The following GPM6A variants were observed in gnomAD, a reference collection of about 807,000 sequenced individuals.
GPM6A encodes the protein glycoprotein M6A, also known as neuronal membrane glycoprotein M6-a.
GPM6A carries 7 observed loss-of-function variants against 32.1 expected under a neutral mutation model. The ratio of observed to expected loss-of-function variants is 0.22; its 90% CI spans 0.12 to 0.41. GPM6A has a LOEUF of 0.41. Among genes scored for constraint, GPM6A ranks in the 10% least tolerant of loss-of-function variants. GPM6A has a pLI of 1.00. For missense variants in GPM6A, 235 were observed against 347.2 expected, an observed-to-expected ratio of 0.68 and a Z score of 2.57; for synonymous variants, 130 against 123.4, an observed-to-expected ratio of 1.05 and a Z score of -0.35.
chr4:175,977,314 A>T (rs1394112483), intron 1 of GPM6A, among the ~76,000 whole-genome samples: 1 of 152,218 alleles, frequency 6.6e-6, no homozygotes, highest in South Asian at 2.1e-4. Context: ...ATGTACGCCC[A>T]AAGTTTAGCT....
intron 1 of GPM6A, among the ~76,000 whole-genome samples, chr4:175,985,378 T>C (rs1281350503): frequency 6.6e-6 from 1 of 152,218 alleles, no homozygotes; most frequent in African/African-American, 2.4e-5. Flanking sequence ...ACCCTTGTTT[T>C]GGTATTGTTG....
At chr4:175,871,380 GA>G (rs1444195698) in intron 1 of GPM6A, among the ~76,000 whole-genome samples, 2 of 152,034 alleles carry the variant, frequency 1.3e-5, no homozygotes, top group African/African-American at 4.8e-5. Flanking sequence ...TGAGGCAGGA[GA>G]ATCACTTGAA....
intron 1 of GPM6A, among the ~76,000 whole-genome samples, chr4:175,997,451 T>C (rs923298088): frequency 6.7e-6 from 1 of 149,244 alleles, no homozygotes; most frequent in Admixed American, 6.6e-5. Flanking sequence ...CTTAATCTTA[T>C]CTTCTTTACA....
chr4:175,737,940 T>C (rs1731729497), intron 1 of GPM6A, among the ~76,000 whole-genome samples: 1 of 125,432 alleles, frequency 8.0e-6, no homozygotes, highest in Non-Finnish European at 1.8e-5. Context: ...CTAGGTCCCT[T>C]TTTTTTTTTT....
intron 1 of GPM6A, among the ~76,000 whole-genome samples, chr4:175,848,731 A>G (rs1475103909): frequency 1.3e-5 from 2 of 152,002 alleles, no homozygotes; most frequent in Non-Finnish European, 2.9e-5. Context: ...GAGATAATGT[A>G]TACATCATTC....
intron 1 of GPM6A, among the ~76,000 whole-genome samples, chr4:175,983,323 G>A (rs1379332461): frequency 6.6e-6 from 1 of 152,172 alleles, no homozygotes; most frequent in Non-Finnish European, 1.5e-5. Context: ...CAGTTGCACT[G>A]TATTTCTCAT....
At chr4:175,676,151 C>T (rs999843752) in intron 2 of GPM6A, among the ~76,000 whole-genome samples, 9 of 152,138 alleles carry the variant, frequency 5.9e-5, no homozygotes, top group Non-Finnish European at 1.3e-4. Flanking sequence ...TCCCCTTCCA[C>T]CATGGTTGTA....
chr4:175,781,204 C>G (rs556273292), intron 1 of GPM6A: 2 of 152,094 alleles, frequency 1.3e-5, no homozygotes, highest in Admixed American at 1.3e-4. Flanking sequence ...TCAAACAACA[C>G]CCACCGTGCG....
At chr4:175,717,466 A>T (rs1560893544) in intron 1 of GPM6A, among the ~76,000 whole-genome samples, 2 of 152,168 alleles carry the variant, frequency 1.3e-5, no homozygotes, top group Non-Finnish European at 2.9e-5. Context: ...GCCTAATCTC[A>T]TCACTCACAG....
intron 1 of GPM6A, among the ~76,000 whole-genome samples, chr4:175,879,223 T>C (rs1453516735): frequency 2.0e-5 from 3 of 152,198 alleles, no homozygotes; most frequent in African/African-American, 7.2e-5. Flanking sequence ...CCTGTTTTCT[T>C]CTGACCACTT....
chr4:175,697,079 T>G (rs1744620503), intron 2 of GPM6A, among the ~76,000 whole-genome samples: 2 of 152,102 alleles, frequency 1.3e-5, no homozygotes, highest in African/African-American at 2.4e-5. Context: ...ATTTTGAAAA[T>G]AAAATATTCA....
At chr4:175,708,363 TTTTATTTA>T (rs57574939) in intron 1 of GPM6A, among the ~76,000 whole-genome samples, 327 of 142,272 alleles carry the variant, frequency 2.3e-3, no homozygotes, top group Non-Finnish European at 4.1e-3. Context: ...AGAAGGTTTA[TTTTATTTA>T]TTTATTTATT....
rs573277908 is a variant in GPM6A at position 175,884,929 on chromosome 4, C to A, written c.-22-72680G>T. Among the ~76,000 whole-genome samples, 4 of 152,224 alleles carry A rather than the reference C, an allele frequency of 2.6e-5. No homozygotes were observed. In the South Asian group the frequency reaches 6.2e-4, roughly 24 times the overall value. On this transcript the variant is annotated intron_variant, in intron 1 of 7. Coordinates refer to the GPM6A transcript ENST00000280187. ...AAATTTCTTTGCAAATTTGGAAGTT[C>A]TTTGAGACAAAATGGTAACATGGCA...
chr4:175,693,636 T>C (rs1010736641), intron 2 of GPM6A, among the ~76,000 whole-genome samples: 1 of 152,212 alleles, frequency 6.6e-6, no homozygotes, highest in Non-Finnish European at 1.5e-5. Flanking sequence ...CTCTATAAAT[T>C]GAAATACTTC....
intron 1 of GPM6A, among the ~76,000 whole-genome samples, chr4:175,878,739 T>A (rs1306681259): frequency 2.6e-5 from 4 of 152,118 alleles, no homozygotes; most frequent in Admixed American, 6.6e-5. Context: ...TTAACATTTG[T>A]CTCCTCATTA....
chr4:175,999,062 A>C (rs890213194), intron 1 of GPM6A, among the ~76,000 whole-genome samples: 5 of 152,168 alleles, frequency 3.3e-5, no homozygotes, highest in African/African-American at 1.2e-4. Context: ...ACATTCCTCC[A>C]AGACAGGTTC....
intron 1 of GPM6A, among the ~76,000 whole-genome samples, chr4:175,732,822 A>G (rs1731490968): frequency 6.6e-6 from 1 of 152,210 alleles, no homozygotes; most frequent in Non-Finnish European, 1.5e-5. Flanking sequence ...TAAGATTTAC[A>G]TTTATATGGG....
chr4:175,769,481 T>G (rs756544676), intron 1 of GPM6A, among the ~76,000 whole-genome samples: 1 of 144,270 alleles, frequency 6.9e-6, no homozygotes, highest in East Asian at 1.9e-4. Flanking sequence ...TCCAGGTGAG[T>G]TCAGGGAAAC....
At chr4:175,844,108 C>A (rs1736020559) in intron 1 of GPM6A, among the ~76,000 whole-genome samples, 1 of 152,216 alleles carries the variant, frequency 6.6e-6, no homozygotes. Context: ...CCCAAGTTCT[C>A]TTTGTTGTAT....
Sources: allele counts gnomAD v4.1 joint callset (sites outside exome capture counted in the v4.1 genomes callset), GRCh38; gene constraint gnomAD v4.1.1; transcripts MANE v1.5; gene names NCBI Gene and HGNC (gene_info 2026-07-23, HGNC 2026-07-21).